Variants in KSR2 observed in about 807,000 individuals in gnomAD.
KSR2 encodes kinase suppressor of ras 2.
KSR2 carries 25 observed loss-of-function variants against 107.8 expected under a neutral mutation model. The ratio of observed to expected loss-of-function variants is 0.23; its 90% CI spans 0.17 to 0.32. The LOEUF (loss-of-function observed/expected upper bound fraction) is 0.32. KSR2 is among the 10% of genes least tolerant of loss of function. KSR2 has a pLI of 1.00. For missense variants in KSR2, 887 were observed against 1,268.9 expected (o/e 0.70, Z 4.57); for synonymous variants, 480 against 507.0 (o/e 0.95, Z 0.71).
chr12:117,467,318 C>T (rs1188679852), intron 19 of KSR2, 113 bp from the exon 20 acceptor site: 5 of 544,374 alleles, frequency 9.2e-6, no homozygotes, highest in African/African-American at 3.9e-5. Flanking sequence ...TGAACTGTTC[C>T]TGTCTTCTGC....
At chr12:117,871,585 G>C (rs1893653911) in intron 1 of KSR2, among the ~76,000 whole-genome samples, 1 of 148,140 alleles carries the variant, frequency 6.8e-6, no homozygotes. Flanking sequence ...AACAGAATGA[G>C]ACCCTGTCTC....
At chr12:117,585,970 G>T (rs1879964735) in intron 5 of KSR2, among the ~76,000 whole-genome samples, 1 of 152,226 alleles carries the variant, frequency 6.6e-6, no homozygotes, top group Admixed American at 6.5e-5. Context: ...AGGTCTTGCT[G>T]TTGATGTCTT....
rs1055041803 is a variant in KSR2 at position 117,466,906 on chromosome 12, G to A, written c.*293C>T. The A allele has an allele frequency of 2.7e-6, 1 of 364,880 alleles. No homozygotes were observed. The highest frequency in any genetic ancestry group is 4.9e-6 in the Non-Finnish European group (1 of 204,858). 22.6% of individuals were successfully genotyped at this position (364,880 alleles called of 1,614,324 possible). ...GTCCCATAGCCCAAAGGCACCACGT[G>A]CAGCCTGCAGTGCTCTCATTAGTGC... On this transcript the variant is annotated 3_prime_UTR_variant, in exon 20 of 20. Transcript: ENST00000339824.
At chr12:117,809,350 T>G (rs1176871772) in intron 3 of KSR2, among the ~76,000 whole-genome samples, 1 of 152,122 alleles carries the variant, frequency 6.6e-6, no homozygotes, top group Non-Finnish European at 1.5e-5. Context: ...TATTGAAGGA[T>G]GTTAGGCAGC....
intron 3 of KSR2, among the ~76,000 whole-genome samples, chr12:117,779,456 C>T (rs1422850167): frequency 6.6e-6 from 1 of 152,190 alleles, no homozygotes; most frequent in Non-Finnish European, 1.5e-5. Context: ...AAAGTACCCT[C>T]TTCTTAGGGT....
At chr12:117,827,966 T>A (rs1234726237) in intron 3 of KSR2, among the ~76,000 whole-genome samples, 1 of 152,150 alleles carries the variant, frequency 6.6e-6, no homozygotes, top group Non-Finnish European at 1.5e-5. Context: ...GCTTTTTAAA[T>A]CCCCACCCAA....
chr12:117,874,753 C>T (rs1264363549), intron 1 of KSR2, among the ~76,000 whole-genome samples: 1 of 151,874 alleles, frequency 6.6e-6, no homozygotes. Flanking sequence ...CCCTGCCAGG[C>T]GGCCTAATTG....
chr12:117,782,356 T>C (rs1889915867), intron 3 of KSR2, among the ~76,000 whole-genome samples: 1 of 152,174 alleles, frequency 6.6e-6, no homozygotes, highest in African/African-American at 2.4e-5. Context: ...CTCAACCTTG[T>C]AGGCTCAACC....
At chr12:117,577,284 T>C (rs1016509898) in intron 7 of KSR2, among the ~76,000 whole-genome samples, 1 of 152,212 alleles carries the variant, frequency 6.6e-6, no homozygotes, top group African/African-American at 2.4e-5. Flanking sequence ...TTTGTAACTA[T>C]TACATAAAGT....
At chr12:117,539,033 T>C (rs543813109) in intron 10 of KSR2, among the ~76,000 whole-genome samples, 1 of 152,336 alleles carries the variant, frequency 6.6e-6, no homozygotes, top group Admixed American at 6.5e-5. Context: ...GAAACCACAG[T>C]GTCCCATGAG....
At chr12:117,846,097 T>C (rs1435391861) in intron 3 of KSR2, among the ~76,000 whole-genome samples, 1 of 151,948 alleles carries the variant, frequency 6.6e-6, no homozygotes, top group African/African-American at 2.4e-5. Context: ...GCCCTACAGA[T>C]TTCAGACCTT....
chr12:117,550,137 C>T (rs2137317397), intron 9 of KSR2, among the ~76,000 whole-genome samples: 1 of 152,270 alleles, frequency 6.6e-6, no homozygotes, highest in Middle Eastern at 3.4e-3. Context: ...CCATCCAGTC[C>T]AACTACTTCA....
intron 9 of KSR2, among the ~76,000 whole-genome samples, chr12:117,553,545 T>C: frequency 6.6e-6 from 1 of 152,282 alleles, no homozygotes; most frequent in South Asian, 2.1e-4. Flanking sequence ...TATCATGATG[T>C]TCCTCTAGGA....
In KSR2 at chr12:117,705,563, C is replaced by G. The variant is rs115387115; in HGVS notation, c.987-37905G>C. ...TCAGGTCCTACAGCCCCAGCCTCAA[C>G]TTGGCCTTGGCTTGACATCGAACAG... On this transcript the variant is annotated intron_variant, in intron 4 of 19. Transcript: ENST00000339824. Among the ~76,000 whole-genome samples the G allele has an allele frequency of 8.2e-4, 125 of 152,358 alleles. 1 individual carries two copies. Among genetic ancestry groups the G allele is most frequent in the African/African-American group, 2.8e-3 (117 of 41,594 alleles).
chr12:117,617,724 C>G (rs1212736300), intron 5 of KSR2, among the ~76,000 whole-genome samples: 1 of 152,132 alleles, frequency 6.6e-6, no homozygotes, highest in Non-Finnish European at 1.5e-5. Flanking sequence ...AATGAGAGAA[C>G]ATTTTGAGGT....
chr12:117,813,907 T>C (rs1353701209), intron 3 of KSR2, among the ~76,000 whole-genome samples: 1 of 152,174 alleles, frequency 6.6e-6, no homozygotes, highest in Admixed American at 6.5e-5. Flanking sequence ...ATAAAGGAAA[T>C]GTGGTATATA....
intron 3 of KSR2, among the ~76,000 whole-genome samples, chr12:117,815,205 A>T (rs61939864): frequency 0.14 from 20,702 of 152,260 alleles, 2,180 homozygotes; most frequent in African/African-American, 0.29. Context: ...AATCATAAGC[A>T]TAAAAAGATA....
intron 4 of KSR2, among the ~76,000 whole-genome samples, chr12:117,714,180 CTAT>C (rs1886893998): frequency 6.6e-6 from 1 of 152,108 alleles, no homozygotes; most frequent in Non-Finnish European, 1.5e-5. Flanking sequence ...TCTTACTGAT[CTAT>C]TATTCTTTTT....
chr12:117,570,063 C>T (rs1054528368), intron 7 of KSR2, among the ~76,000 whole-genome samples: 10 of 150,900 alleles, frequency 6.6e-5, no homozygotes, highest in South Asian at 4.2e-4. Flanking sequence ...AGTGCAGTGG[C>T]GTGATCCCGG....
Sources: allele counts gnomAD v4.1 joint callset (sites outside exome capture counted in the v4.1 genomes callset), GRCh38; gene constraint gnomAD v4.1.1; transcripts MANE v1.5; gene names NCBI Gene and HGNC (gene_info 2026-07-23, HGNC 2026-07-21).